ROR2: variants seen among roughly 807,000 people sequenced by gnomAD.
The protein encoded by ROR2 is tyrosine-protein kinase transmembrane receptor ROR2.
Under a neutral mutation model 74.9 loss-of-function variants are expected in ROR2, and 33 were observed. The ratio of observed to expected loss-of-function variants is 0.44; its 90% CI spans 0.33 to 0.59. ROR2 has a LOEUF of 0.59. Ranked by LOEUF, ROR2 falls within the 20% of genes least tolerant of loss-of-function variation. The pLI, the probability that ROR2 is intolerant of heterozygous loss-of-function variation, is 0.02. For synonymous variants in ROR2, 586 were observed against 558.7 expected, an observed-to-expected ratio of 1.05 and a Z score of -0.69; for missense variants, 1,216 against 1,313.8, an observed-to-expected ratio of 0.93 and a Z score of 1.15.
At chr9:91,826,471 A>C (rs1331964178) in intron 1 of ROR2, among the ~76,000 whole-genome samples, 1 of 152,198 alleles carries the variant, frequency 6.6e-6, no homozygotes, top group African/African-American at 2.4e-5. Context: ...TGCAGAAATC[A>C]GTGGTTAGTT....
intron 4 of ROR2, among the ~76,000 whole-genome samples, chr9:91,753,191 A>G (rs1427961283): frequency 3.9e-5 from 6 of 152,234 alleles, no homozygotes; most frequent in Non-Finnish European, 8.8e-5. Flanking sequence ...CAAATTATTA[A>G]TTTGTAAAAG....
intron 4 of ROR2, among the ~76,000 whole-genome samples, chr9:91,750,481 C>T (rs1477927654): frequency 2.0e-5 from 3 of 152,220 alleles, no homozygotes; most frequent in African/African-American, 7.2e-5. Flanking sequence ...AACACATCTT[C>T]TCCGTAAGGC....
intron 1 of ROR2, among the ~76,000 whole-genome samples, chr9:91,835,366 T>C (rs1160553858): frequency 1.3e-5 from 2 of 152,298 alleles, no homozygotes; most frequent in East Asian, 3.9e-4. Flanking sequence ...ACCATGACGG[T>C]TGCACTGATT....
At chr9:91,827,093 A>C (rs1466729173) in intron 1 of ROR2, among the ~76,000 whole-genome samples, 4 of 152,158 alleles carry the variant, frequency 2.6e-5, no homozygotes, top group African/African-American at 9.6e-5. Flanking sequence ...GATTAGACTC[A>C]TTTCATAAAT....
chr9:91,887,356 T>G (rs1207166176), intron 1 of ROR2, among the ~76,000 whole-genome samples: 1 of 152,200 alleles, frequency 6.6e-6, no homozygotes, highest in Non-Finnish European at 1.5e-5. Context: ...ATTAATATAG[T>G]ACTTCCCTAC....
intron 1 of ROR2, among the ~76,000 whole-genome samples, chr9:91,872,453 C>G (rs879653882): frequency 6.6e-6 from 1 of 152,184 alleles, no homozygotes; most frequent in African/African-American, 2.4e-5. Flanking sequence ...CAAACCTTGA[C>G]GAGGAATCAG....
chr9:91,877,977 G>C (rs1469265201), intron 1 of ROR2, among the ~76,000 whole-genome samples: 1 of 152,120 alleles, frequency 6.6e-6, no homozygotes, highest in Non-Finnish European at 1.5e-5. Context: ...ACAAAGAAAG[G>C]GTTTAAGGAT....
intron 1 of ROR2, among the ~76,000 whole-genome samples, chr9:91,863,229 T>C (rs571097732): frequency 6.6e-5 from 10 of 152,216 alleles, no homozygotes; most frequent in African/African-American, 2.4e-4. Context: ...TCTCAGTATG[T>C]TGACAAGGCT....
chr9:91,826,610 T>A lies in ROR2; in HGVS notation c.98-50792A>T, dbSNP rs555194252. On this transcript the variant is annotated intron_variant, in intron 1 of 8. Coordinates refer to ENST00000375708, the MANE Select transcript of ROR2 (RefSeq NM_004560.4). ...TCCTGGCTAACACAGTGAAACCCCG[T>A]CTCTACTAAAAATACAAAAAGAAAT... 2.6e-5 allele frequency among the ~76,000 whole-genome samples: 4 copies of A among 151,960 alleles called. No individual in the cohort carries two copies. The East Asian group carries it at 7.8e-4, about 29-fold the overall frequency.
chr9:91,907,241 T>C (rs1830843428), intron 1 of ROR2, among the ~76,000 whole-genome samples: 1 of 152,150 alleles, frequency 6.6e-6, no homozygotes, highest in South Asian at 2.1e-4. Context: ...CATATAATTT[T>C]TCCCCCTGTA....
intron 1 of ROR2, among the ~76,000 whole-genome samples, chr9:91,906,349 G>A (rs2119441902): frequency 6.6e-6 from 1 of 152,320 alleles, no homozygotes; most frequent in Middle Eastern, 3.4e-3. Flanking sequence ...CTGCATGGCA[G>A]CCTCTGAGGA....
intron 4 of ROR2, among the ~76,000 whole-genome samples, chr9:91,740,521 C>T (rs886064577): frequency 3.4e-5 from 5 of 149,004 alleles, no homozygotes; most frequent in Admixed American, 3.3e-4. Context: ...CACTGCACTC[C>T]AGCCTGGGTG....
chr9:91,949,799 C>G (rs1429869700), intron 1 of ROR2, 68 bp downstream of exon 1: 1 of 1,009,576 alleles, frequency 9.9e-7, no homozygotes, highest in African/African-American at 1.6e-5. Flanking sequence ...AGCATAGTGG[C>G]GGCGGAAGGG....
intron 1 of ROR2, among the ~76,000 whole-genome samples, chr9:91,936,330 G>A (rs1447459227): frequency 1.3e-5 from 2 of 152,190 alleles, no homozygotes. Context: ...GGCAGGGTTG[G>A]CTCCTTCTGA....
intron 2 of ROR2, among the ~76,000 whole-genome samples, chr9:91,774,880 G>A (rs57129550): frequency 0.014 from 2,143 of 152,244 alleles, 45 homozygotes; most frequent in African/African-American, 0.049. Flanking sequence ...AGACCAGAAG[G>A]GTCAATTTCT....
chr9:91,868,909 C>T (rs1412467329), intron 1 of ROR2, among the ~76,000 whole-genome samples: 1 of 152,206 alleles, frequency 6.6e-6, no homozygotes, highest in African/African-American at 2.4e-5. Context: ...CAGTCTCACA[C>T]ATCAATGTTG....
At chr9:91,937,748 GCT>G (rs1237121649) in intron 1 of ROR2, among the ~76,000 whole-genome samples, 1 of 152,102 alleles carries the variant, frequency 6.6e-6, no homozygotes, top group Non-Finnish European at 1.5e-5. Context: ...ACTGAGTTTT[GCT>G]CTGTCACCCA....
chr9:91,821,055 CA>C (rs1828124266), intron 1 of ROR2, among the ~76,000 whole-genome samples: 1 of 150,424 alleles, frequency 6.6e-6, no homozygotes. Flanking sequence ...GAGCTGAGAT[CA>C]TGCCACTGCA....
At chr9:91,755,853 A>T in intron 4 of ROR2, 1 of 618,384 alleles carries the variant, frequency 1.6e-6, no homozygotes, top group Non-Finnish European at 2.9e-6. Context: ...AAAGAAATTA[A>T]CCATTTTTGT....
Sources: allele counts gnomAD v4.1 joint callset (sites outside exome capture counted in the v4.1 genomes callset), GRCh38; gene constraint gnomAD v4.1.1; transcripts MANE v1.5; gene names NCBI Gene and HGNC (gene_info 2026-07-23, HGNC 2026-07-21).